Variants in SORCS2 observed in about 807,000 individuals in gnomAD.
SORCS2 encodes VPS10 domain-containing receptor SorCS2.
In SORCS2, 100 loss-of-function variants were observed where a neutral mutation model predicts 141.6. That is an observed-to-expected ratio of 0.71 (90% confidence interval 0.60 to 0.83). The LOEUF is 0.83. Among genes scored for constraint, SORCS2 ranks in the 40% least tolerant of loss-of-function variants. The pLI is 0.00. For synonymous variants in SORCS2, 789 were observed against 676.9 expected (o/e 1.17, Z -2.57); for missense variants, 1,646 against 1,560.2 (o/e 1.05, Z -0.93).
chr4:7,410,971 T>C (rs1375855792), intron 2 of SORCS2, among the ~76,000 whole-genome samples: 1 of 143,290 alleles, frequency 7.0e-6, no homozygotes, highest in Non-Finnish European at 1.5e-5. Flanking sequence ...TTTTTTTTTT[T>C]TTTGAGACGG....
Position 7,679,078 on chromosome 4 carries a change from C to T in SORCS2, c.1341+2849C>T, listed in dbSNP as rs778226215. On this transcript the variant is annotated intron_variant, in intron 9 of 26. Transcript: ENST00000507866. The stretch of plus-strand genomic sequence containing the variant: ...GCTGGCACCTGAGTCTCACTGCCCA[C>T]GGCCAGTACTGTTGCTGTCGTGGTT... Among the ~76,000 whole-genome samples, 19 of 152,170 alleles carry T rather than the reference C, an allele frequency of 1.2e-4. No homozygotes were observed. The East Asian group carries it at 1.5e-3, about 12-fold the overall frequency.
intron 1 of SORCS2, among the ~76,000 whole-genome samples, chr4:7,386,609 T>C (rs201580336): frequency 0.086 from 9,962 of 115,788 alleles, 485 homozygotes; most frequent in African/African-American, 0.15. Context: ...CACGCACACA[T>C]ATGCCCACCA....
At chr4:7,674,870 C>A (rs1468153948) in intron 8 of SORCS2, among the ~76,000 whole-genome samples, 1 of 152,060 alleles carries the variant, frequency 6.6e-6, no homozygotes, top group Non-Finnish European at 1.5e-5. Flanking sequence ...AGGGAGCCAT[C>A]CCCAAGCATC....
Position 7,582,620 on chromosome 4 carries a change from C to G in SORCS2, c.648+50991C>G, listed in dbSNP as rs573697067. ...CGCTGCAATCTATTGAAAGTCAGCCCTCGACACAAGGGTTTGTAAAAAAAT... is the reference window on the plus strand; with the variant it reads ...CGCTGCAATCTATTGAAAGTCAGCCGTCGACACAAGGGTTTGTAAAAAAAT... On this transcript the variant is annotated intron_variant, in intron 3 of 26. Coordinates refer to ENST00000507866, the MANE Select transcript of SORCS2 (RefSeq NM_020777.3). Among the ~76,000 whole-genome samples, 4 of 152,002 alleles carry G rather than the reference C, an allele frequency of 2.6e-5. 1 individual carries two copies. The highest frequency in any genetic ancestry group is 9.7e-5 in the African/African-American group (4 of 41,416).
intron 1 of SORCS2, among the ~76,000 whole-genome samples, chr4:7,194,845 A>G (rs977180712): frequency 6.6e-6 from 1 of 152,190 alleles, no homozygotes; most frequent in African/African-American, 2.4e-5. Flanking sequence ...AGGGCCAGAA[A>G]GCTCTAATCC....
intron 1 of SORCS2, among the ~76,000 whole-genome samples, chr4:7,359,790 A>G (rs1721471498): frequency 6.6e-6 from 1 of 152,224 alleles, no homozygotes; most frequent in Non-Finnish European, 1.5e-5. Context: ...TAGCACTTTA[A>G]CCTGAAGAAT....
In SORCS2 at chr4:7,192,701, G is replaced by GCC; in HGVS notation, c.58_59dup (p.Ser21ArgfsTer45). On this transcript the variant is annotated frameshift_variant, in exon 1 of 27. Transcript: ENST00000507866. LOFTEE classifies it high-confidence loss of function. The surrounding 1 kb of genome is among the most constrained non-coding windows in gnomAD (Gnocchi z 4.0). ...GAAGGGCCCCGGCCCCACCGCCCGA[G>GCC]CCCCGAGCCCCGGGGCTCCGCCGCC... is the stretch of plus-strand genomic sequence containing the variant. 2 of 989,214 alleles carry GCC rather than the reference G, an allele frequency of 2.0e-6. No individual in the cohort carries two copies. The highest frequency in any genetic ancestry group is 2.4e-6 in the Non-Finnish European group (2 of 834,016). 61.3% of individuals were successfully genotyped at this position (989,214 alleles called of 1,614,324 possible). A position where few individuals can be genotyped will look rare whatever the true frequency, so the allele number is the denominator to read the frequency against.
chr4:7,647,637 G>A (rs946066511), intron 4 of SORCS2, among the ~76,000 whole-genome samples: 3 of 152,168 alleles, frequency 2.0e-5, no homozygotes, highest in Non-Finnish European at 4.4e-5. Context: ...CATCCACTTT[G>A]GTAAGGGAAT....
rs1465266176 is a variant in SORCS2, at chr4:7,601,674, T to TG, written c.649-36653dup. Among the ~76,000 whole-genome samples, 6 of 134,388 alleles carry TG rather than the reference T, an allele frequency of 4.5e-5. No individual in the cohort carries two copies. In the East Asian group the frequency reaches 1.5e-3, roughly 35 times the overall value. The allele number at this position is 134,388 out of a possible 152,430, so 88.2% of individuals were successfully genotyped here. ...TAGCTTTGTTTTTTGTTTGTTTGTTTGTTTTTTTAGTATTTATTGATCATT... is the reference window on the plus strand; with the variant it reads ...TAGCTTTGTTTTTTGTTTGTTTGTTTGGTTTTTTTAGTATTTATTGATCATT... On this transcript the variant is annotated intron_variant, in intron 3 of 26. Transcript: ENST00000507866.
At chr4:7,727,427 AC>A (rs33979747) in intron 21 of SORCS2, among the ~76,000 whole-genome samples, 26,192 of 147,538 alleles carry the variant, frequency 0.18, 2,676 homozygotes, top group Admixed American at 0.34. Context: ...ACTGAAGGAG[AC>A]CCCCCCCCCC....
chr4:7,471,405 C>T (rs938174290), intron 2 of SORCS2, among the ~76,000 whole-genome samples: 5 of 152,204 alleles, frequency 3.3e-5, no homozygotes, highest in African/African-American at 1.2e-4. Context: ...TTTATAAATT[C>T]ATAAGAAAAG....
At chr4:7,457,236 T>A (rs1728972162) in intron 2 of SORCS2, among the ~76,000 whole-genome samples, 1 of 152,196 alleles carries the variant, frequency 6.6e-6, no homozygotes, top group Admixed American at 6.5e-5. Context: ...TGGACCTGAA[T>A]CCCAGCCTGT....
chr4:7,338,877 G>A (rs1030843068), intron 1 of SORCS2, among the ~76,000 whole-genome samples: 6 of 152,164 alleles, frequency 3.9e-5, no homozygotes, highest in Admixed American at 1.3e-4. Context: ...CTCTGTGGAC[G>A]GCAGTACTGT....
intron 1 of SORCS2, among the ~76,000 whole-genome samples, chr4:7,222,937 A>C (rs1410475155): frequency 6.6e-6 from 1 of 152,124 alleles, no homozygotes; most frequent in Non-Finnish European, 1.5e-5. Context: ...GAACACGCAA[A>C]GACTTCTTTG....
chr4:7,623,603 C>T (rs1028730278), intron 3 of SORCS2, among the ~76,000 whole-genome samples: 3 of 152,170 alleles, frequency 2.0e-5, no homozygotes, highest in Non-Finnish European at 4.4e-5. Flanking sequence ...CACCTTTTCA[C>T]ATCTCCTGCG....
At chr4:7,485,633 G>A (rs539481833) in intron 2 of SORCS2, among the ~76,000 whole-genome samples, 3 of 152,354 alleles carry the variant, frequency 2.0e-5, no homozygotes, top group Admixed American at 6.5e-5. Flanking sequence ...TTGTGGGGTC[G>A]GGTGGCTTCA....
chr4:7,637,137 A>G (rs1720307883), intron 3 of SORCS2, among the ~76,000 whole-genome samples: 3 of 151,934 alleles, frequency 2.0e-5, no homozygotes, highest in Admixed American at 1.3e-4. Context: ...GTCTCCAATG[A>G]CCCTATTTCC....
intron 1 of SORCS2, among the ~76,000 whole-genome samples, chr4:7,307,334 G>A (rs1490726284): frequency 5.3e-5 from 8 of 152,318 alleles, no homozygotes; most frequent in South Asian, 4.1e-4. Context: ...AGTTCCTTTC[G>A]TAAATGATTC....
chr4:7,379,848 C>T (rs1316442301), intron 1 of SORCS2, among the ~76,000 whole-genome samples: 3 of 152,216 alleles, frequency 2.0e-5, no homozygotes, highest in South Asian at 4.1e-4. Flanking sequence ...GCTGCAGAAA[C>T]TTGCTTTTTA....
Sources: gnomAD v4.1 joint callset for allele counts (sites outside exome capture counted in the v4.1 genomes callset) on GRCh38, gnomAD v4.1.1 for gene constraint, Gnocchi (gnomAD v3.1) non-coding constraint, MANE v1.5 for transcripts, NCBI Gene and HGNC (gene_info 2026-07-23, HGNC 2026-07-21) for gene names.